The following C7 variants were observed in gnomAD, a reference collection of about 807,000 sequenced individuals.
C7 encodes complement component C7.
Under a neutral mutation model 104.8 loss-of-function variants are expected in C7, and 83 were observed. The observed-to-expected ratio is 0.79, with a 90% CI of 0.66 to 0.95. C7 has a LOEUF of 0.95. C7 is among the 40% of genes least tolerant of loss of function. C7 has a pLI of 0.00. For missense variants in C7, 1,070 were observed against 1,011.2 expected (o/e 1.06, Z -0.79); for synonymous variants, 415 against 360.6 (o/e 1.15, Z -1.71).
At chr5:40,936,317 G>C (rs112922806) in intron 4 of C7, 21 bp from the exon 5 acceptor site, 1 of 1,612,030 alleles carries the variant, frequency 6.2e-7, no homozygotes, top group Non-Finnish European at 8.5e-7. Flanking sequence ...ACATTTGCAC[G>C]TGGATTTCTC....
At chr5:40,959,233 T>C (rs1740369146) in intron 11 of C7, among the ~76,000 whole-genome samples, 1 of 152,230 alleles carries the variant, frequency 6.6e-6, no homozygotes, top group African/African-American at 2.4e-5. Flanking sequence ...ATTAAGGATA[T>C]TATTGCAAGA....
intron 1 of C7, among the ~76,000 whole-genome samples, chr5:40,926,286 C>T (rs12653519): frequency 0.12 from 17,593 of 152,184 alleles, 1,232 homozygotes; most frequent in South Asian, 0.16. Context: ...ATATGAGAAG[C>T]CCACAGCTAA....
intron 2 of C7, among the ~76,000 whole-genome samples, chr5:40,929,192 A>C (rs1443676689): frequency 6.6e-6 from 1 of 152,148 alleles, no homozygotes; most frequent in African/African-American, 2.4e-5. Flanking sequence ...ACAAGGAGCA[A>C]GAAGGCACTG....
At chr5:40,956,467 C>T (rs1740293576) in intron 10 of C7, among the ~76,000 whole-genome samples, 1 of 152,144 alleles carries the variant, frequency 6.6e-6, no homozygotes, top group Admixed American at 6.5e-5. Flanking sequence ...TTTGTATATT[C>T]CTATGTGGCT....
At chr5:40,917,775 A>C (rs879421997) in intron 1 of C7, among the ~76,000 whole-genome samples, 4 of 152,190 alleles carry the variant, frequency 2.6e-5, no homozygotes, top group Non-Finnish European at 5.9e-5. Flanking sequence ...TTCACTTTTT[A>C]TACTGCCAAG....
intron 12 of C7, 74 bp downstream of exon 12, chr5:40,959,694 G>A: frequency 8.7e-7 from 1 of 1,154,248 alleles, no homozygotes; most frequent in Non-Finnish European, 1.2e-6. Context: ...ACACATGATT[G>A]CTGCTGTCGA....
At chr5:40,951,688 A>G (rs182058975) in intron 9 of C7, among the ~76,000 whole-genome samples, 10 of 152,294 alleles carry the variant, frequency 6.6e-5, no homozygotes, top group Non-Finnish European at 1.5e-4. Context: ...GTGAGACTGC[A>G]ATGCATTGTG....
intron 1 of C7, among the ~76,000 whole-genome samples, chr5:40,920,391 A>C (rs1739414507): frequency 6.6e-6 from 1 of 152,138 alleles, no homozygotes; most frequent in Non-Finnish European, 1.5e-5. Context: ...CAATATTTAC[A>C]TATTGTATAA....
rs59346505 is a variant in C7 at position 40,981,289 on chromosome 5, G to A, written c.2351-103G>A. On this transcript the variant is annotated intron_variant, in intron 17 of 17. Coordinates refer to ENST00000313164, the MANE Select transcript of C7 (RefSeq NM_000587.4). ...ATTTATTATGTCATTCCAGGCAGGA[G>A]CTTCTACAGCTCTGATCACCACATT... The A allele has an allele frequency of 0.016, 17,853 of 1,106,248 alleles. 1,969 individuals are homozygous for A. In the African/African-American group the frequency reaches 0.25, roughly 15 times the overall value. 68.5% of individuals were successfully genotyped at this position (1,106,248 alleles called of 1,614,324 possible). A position where few individuals can be genotyped will look rare whatever the true frequency, so the allele number is the denominator to read the frequency against.
chr5:40,933,392 G>C (rs945890026), intron 3 of C7, among the ~76,000 whole-genome samples: 5 of 152,326 alleles, frequency 3.3e-5, no homozygotes, highest in South Asian at 2.1e-4. Context: ...GGTGAGTAGA[G>C]GAAGAGGCCT....
chr5:40,939,447 C>T (rs913128573), intron 6 of C7, among the ~76,000 whole-genome samples: 4 of 152,108 alleles, frequency 2.6e-5, no homozygotes, highest in African/African-American at 9.7e-5. Context: ...TCAAAGTCAC[C>T]AAATTAAAAA....
At chr5:40,933,860 A>G (rs1045954573) in intron 3 of C7, among the ~76,000 whole-genome samples, 2 of 152,038 alleles carry the variant, frequency 1.3e-5, no homozygotes, top group Admixed American at 6.6e-5. Context: ...TGGTAAATAT[A>G]TTAATCATTC....
chr5:40,979,984 T>C (rs1450664), intron 17 of C7, 75 bp downstream of exon 17: 569,383 of 1,349,428 alleles, frequency 0.42, 121,333 homozygotes, highest in South Asian at 0.52. Context: ...ATGTGGTTTC[T>C]AGTTTAGCAG....
intron 14 of C7, 145 bp downstream of exon 14, chr5:40,965,018 C>T (rs554006694): frequency 5.6e-5 from 50 of 891,160 alleles, no homozygotes; most frequent in African/African-American, 1.4e-4. Flanking sequence ...GTTTTAGGAG[C>T]GACTTGAATA....
chr5:40,957,068 C>T (rs1427922415), intron 10 of C7, among the ~76,000 whole-genome samples: 1 of 152,188 alleles, frequency 6.6e-6, no homozygotes, highest in Admixed American at 6.5e-5. Flanking sequence ...CTATGCAAAG[C>T]CATCGTGTTC....
At chr5:40,933,051 C>T (rs3792642) in intron 3 of C7, among the ~76,000 whole-genome samples, 26,905 of 152,046 alleles carry the variant, frequency 0.18, 2,468 homozygotes, top group East Asian at 0.25. Flanking sequence ...CACACATGAG[C>T]GGTATCTTCA....
intron 15 of C7, among the ~76,000 whole-genome samples, chr5:40,973,183 C>T (rs1009799217): frequency 6.6e-6 from 1 of 151,956 alleles, no homozygotes; most frequent in Non-Finnish European, 1.5e-5. Context: ...CTTTTAAGAA[C>T]CTAAGGTAGA....
chr5:40,960,186 C>A (rs1016386265), intron 12 of C7, among the ~76,000 whole-genome samples: 3 of 152,154 alleles, frequency 2.0e-5, no homozygotes, highest in Non-Finnish European at 1.5e-5. Flanking sequence ...CTGCAAAAGC[C>A]ATCTCAAAAA....
At chr5:40,926,818 A>G (rs1739563870) in intron 1 of C7, among the ~76,000 whole-genome samples, 1 of 152,194 alleles carries the variant, frequency 6.6e-6, no homozygotes. Flanking sequence ...TAAAAAGTCC[A>G]TACTACCACA....
Sources: gnomAD v4.1 joint callset for allele counts (sites outside exome capture counted in the v4.1 genomes callset) on GRCh38, gnomAD v4.1.1 for gene constraint, MANE v1.5 for transcripts, NCBI Gene and HGNC (gene_info 2026-07-23, HGNC 2026-07-21) for gene names.